Variants in EPN2 observed in about 807,000 individuals in gnomAD.
EPN2 encodes epsin-2.
A neutral mutation model predicts 61.7 loss-of-function variants in EPN2; 34 were observed. The ratio of observed to expected loss-of-function variants is 0.55; its 90% CI spans 0.42 to 0.73. The LOEUF (loss-of-function observed/expected upper bound fraction) is 0.73. Among genes scored for constraint, EPN2 ranks in the 30% least tolerant of loss-of-function variants. The probability of loss-of-function intolerance (pLI) is 0.00; values close to 1 mark genes in which losing one functional copy is unlikely to be tolerated. For missense variants in EPN2, 714 were observed against 839.2 expected, an observed-to-expected ratio of 0.85 and a Z score of 1.84; for synonymous variants, 349 against 353.6, an observed-to-expected ratio of 0.99 and a Z score of 0.15.
intron 4 of EPN2, among the ~76,000 whole-genome samples, chr17:19,298,700 A>G (rs1250659147): frequency 6.6e-6 from 1 of 152,250 alleles, no homozygotes; most frequent in East Asian, 1.9e-4. Flanking sequence ...AACCTTTGGC[A>G]GCTTACTTAA....
chr17:19,316,773 T>G (rs955351514), intron 7 of EPN2, among the ~76,000 whole-genome samples: 4 of 152,256 alleles, frequency 2.6e-5, no homozygotes, highest in Non-Finnish European at 5.9e-5. Context: ...AGCAGCCTAG[T>G]GATGTTCATA....
rs369399265 is a variant in EPN2 at position 19,267,220 on chromosome 17, G to C, written c.-293-14735G>C. On this transcript the variant is annotated intron_variant, in intron 1 of 10. Coordinates refer to ENST00000314728, the MANE Select transcript of EPN2 (RefSeq NM_014964.5). ...GGGAGTAGATTTGTCATTGCCAGGG[G>C]CTGGGAGTGAGGACGTGTGTGGTGA... is the stretch of plus-strand genomic sequence containing the variant. Among the ~76,000 whole-genome samples, 32 of 151,946 alleles carry C rather than the reference G, an allele frequency of 2.1e-4. No individual in the cohort carries two copies. The East Asian group carries it at 5.3e-3, about 25-fold the overall frequency.
intron 1 of EPN2, among the ~76,000 whole-genome samples, chr17:19,272,832 G>C (rs767750367): frequency 6.6e-6 from 1 of 152,056 alleles, no homozygotes; most frequent in Non-Finnish European, 1.5e-5. Context: ...TGAGGGGGAG[G>C]TGCAGCTCCT....
chr17:19,300,847 A>G (rs552341927), intron 4 of EPN2, among the ~76,000 whole-genome samples: 2 of 152,290 alleles, frequency 1.3e-5, no homozygotes, highest in East Asian at 3.9e-4. Flanking sequence ...CCTGTGCGCC[A>G]AGGCCAGCTC....
intron 1 of EPN2, among the ~76,000 whole-genome samples, chr17:19,252,709 G>A (rs1421708811): frequency 6.6e-6 from 1 of 152,170 alleles, no homozygotes; most frequent in Admixed American, 6.5e-5. Context: ...TTGATTGACT[G>A]AGATAGGGTC....
intron 1 of EPN2, among the ~76,000 whole-genome samples, chr17:19,246,880 G>C (rs1268288102): frequency 2.0e-5 from 3 of 148,126 alleles, no homozygotes; most frequent in Non-Finnish European, 4.4e-5. Flanking sequence ...CCATTCTCCT[G>C]TCTCAGCCTC....
chr17:19,309,865 G>A lies in EPN2; in HGVS notation c.767-20G>A. 1 of 1,595,280 alleles carries A rather than the reference G, an allele frequency of 6.3e-7. No homozygotes were observed. Among genetic ancestry groups the A allele is most frequent in the East Asian group, 2.2e-5 (1 of 44,836 alleles). On this transcript the variant is annotated intron_variant, in intron 4 of 10. Coordinates refer to ENST00000314728, the MANE Select transcript of EPN2 (RefSeq NM_014964.5). ...ATCAGCCTTGTCTTTTGCATATGAT[G>A]ACTTGGTCTTCCCCAACAGCCACCT...
At chr17:19,332,128 A>G (rs964539178) in intron 10 of EPN2, 60 bp downstream of exon 10, 2 of 1,348,678 alleles carry the variant, frequency 1.5e-6, no homozygotes, top group African/African-American at 2.9e-5. Flanking sequence ...GGTGTGCAGC[A>G]GGCCTCTTGG....
chr17:19,253,436 A>G (rs1272685506), intron 1 of EPN2, among the ~76,000 whole-genome samples: 3 of 115,024 alleles, frequency 2.6e-5, no homozygotes, highest in African/African-American at 1.0e-4. Flanking sequence ...TTTTTTTGAT[A>G]CAGGGTCTCA....
intron 6 of EPN2, among the ~76,000 whole-genome samples, chr17:19,312,474 G>A (rs8075980): frequency 0.028 from 4,212 of 152,312 alleles, 212 homozygotes; most frequent in African/African-American, 0.095. Flanking sequence ...GCAGCAGGGT[G>A]TGCCCCCAGA....
rs71155391 is a variant in EPN2, at chr17:19,310,571, C to CTTTTTTTTTTTTTTTT, written c.879+583_879+598dup. Among the ~76,000 whole-genome samples, 14 of 80,918 alleles carry CTTTTTTTTTTTTTTTT rather than the reference C, an allele frequency of 1.7e-4. 2 individuals are homozygous for CTTTTTTTTTTTTTTTT. Among genetic ancestry groups the CTTTTTTTTTTTTTTTT allele is most frequent in the East Asian group, 1.4e-3 (3 of 2,176 alleles). The allele number at this position is 80,918 out of a possible 152,430, so 53.1% of individuals were successfully genotyped here. A position where few individuals can be genotyped will look rare whatever the true frequency, so the allele number is the denominator to read the frequency against. ...TTTCTTTCTCTCTTTCTCCTTCTTT[C>CTTTTTTTTTTTTTTTT]TTTTTTTTTTTTTTTTTTTTTTTTG... On this transcript the variant is annotated intron_variant, in intron 5 of 10. Coordinates refer to ENST00000314728, the MANE Select transcript of EPN2 (RefSeq NM_014964.5).
chr17:19,275,500 G>T (rs557178078), intron 1 of EPN2, among the ~76,000 whole-genome samples: 1 of 152,206 alleles, frequency 6.6e-6, no homozygotes. Flanking sequence ...CTCTGCCCCT[G>T]TGGTGTGTTC....
intron 1 of EPN2, among the ~76,000 whole-genome samples, chr17:19,244,063 G>A (rs1597965748): frequency 6.6e-6 from 1 of 152,218 alleles, no homozygotes; most frequent in African/African-American, 2.4e-5. Context: ...GAGAGAAGAT[G>A]TCATTGTCCT....
chr17:19,286,897 A>G (rs1370946259), intron 4 of EPN2, among the ~76,000 whole-genome samples: 1 of 152,206 alleles, frequency 6.6e-6, no homozygotes, highest in African/African-American at 2.4e-5. Context: ...ACCCAGAGGC[A>G]TTGGAGTTAC....
intron 1 of EPN2, among the ~76,000 whole-genome samples, chr17:19,261,403 C>T (rs1403448161): frequency 5.9e-5 from 9 of 152,202 alleles, no homozygotes; most frequent in East Asian, 1.9e-4. Context: ...GACAGTTCTT[C>T]GATTTTTCTC....
intron 1 of EPN2, among the ~76,000 whole-genome samples, chr17:19,251,225 C>T (rs2045011678): frequency 6.6e-6 from 1 of 152,196 alleles, no homozygotes; most frequent in African/African-American, 2.4e-5. Flanking sequence ...GCCATGGGGA[C>T]TCCTGCCCTA....
At chr17:19,267,435 A>G (rs2045211323) in intron 1 of EPN2, among the ~76,000 whole-genome samples, 1 of 152,164 alleles carries the variant, frequency 6.6e-6, no homozygotes, top group Admixed American at 6.5e-5. Flanking sequence ...ATCCCCCCAT[A>G]TGCCATAGCA....
chr17:19,335,469 C>A lies in EPN2; in HGVS notation c.*1215C>A, dbSNP rs1276733151. ...TCTGAAATGGAAGAAACATCTTTAA[C>A]CTTGTGTGTCTGTGATCTCCTCTGT... is the stretch of plus-strand genomic sequence containing the variant. On this transcript the variant is annotated 3_prime_UTR_variant, in exon 11 of 11. Transcript: ENST00000314728. The A allele has an allele frequency of 2.6e-6, 4 of 1,549,552 alleles. No individual in the cohort carries two copies. The highest frequency in any genetic ancestry group is 3.5e-6 in the Non-Finnish European group (4 of 1,146,358).
At chr17:19,267,855 G>A (rs1050819151) in intron 1 of EPN2, among the ~76,000 whole-genome samples, 8 of 152,186 alleles carry the variant, frequency 5.3e-5, no homozygotes, top group African/African-American at 1.9e-4. Context: ...AGCTTTTATA[G>A]TAAGGATTTG....
Sources: allele counts gnomAD v4.1 joint callset (sites outside exome capture counted in the v4.1 genomes callset), GRCh38; gene constraint gnomAD v4.1.1; transcripts MANE v1.5; gene names NCBI Gene and HGNC (gene_info 2026-07-23, HGNC 2026-07-21).